Variants in POU6F2 observed in about 807,000 individuals in gnomAD.
The protein encoded by POU6F2 is POU domain, class 6, transcription factor 2.
POU6F2 carries 31 observed loss-of-function variants against 71.3 expected under a neutral mutation model. That is an observed-to-expected ratio of 0.43 (90% CI 0.33 to 0.59). The LOEUF (loss-of-function observed/expected upper bound fraction) is 0.59, where lower values mean the gene tolerates loss of function less well. Ranked by LOEUF, POU6F2 falls within the 20% of genes least tolerant of loss-of-function variation. The pLI is 0.04. For synonymous variants in POU6F2, 347 were observed against 355.7 expected, an observed-to-expected ratio of 0.98 and a Z score of 0.27; for missense variants, 783 against 856.8, an observed-to-expected ratio of 0.91 and a Z score of 1.07.
At chr7:39,341,752 C>T (rs749005246) in intron 5 of POU6F2, among the ~76,000 whole-genome samples, 1 of 152,118 alleles carries the variant, frequency 6.6e-6, no homozygotes, top group Non-Finnish European at 1.5e-5. Context: ...AAGTTTTGAG[C>T]TCTGTGGACC....
intron 4 of POU6F2, among the ~76,000 whole-genome samples, chr7:39,287,540 A>G (rs1454590249): frequency 1.3e-5 from 2 of 152,228 alleles, no homozygotes; most frequent in South Asian, 2.1e-4. Context: ...GTGTTCATGT[A>G]TGCAGAGTAC....
intron 1 of POU6F2, among the ~76,000 whole-genome samples, chr7:39,015,867 T>TTATATATAGA (rs1562670749): frequency 8.6e-5 from 6 of 69,708 alleles, no homozygotes; most frequent in African/African-American, 1.2e-4. Flanking sequence ...ATATAATATA[T>TTATATATAGA]TATATATAGA....
At chr7:39,276,494 C>A in intron 4 of POU6F2, among the ~76,000 whole-genome samples, 1 of 151,052 alleles carries the variant, frequency 6.6e-6, no homozygotes, top group Non-Finnish European at 1.5e-5. Flanking sequence ...GTCAGTGTGG[C>A]GATTCCTCAG....
intron 4 of POU6F2, among the ~76,000 whole-genome samples, chr7:39,312,457 A>C (rs560389107): frequency 6.6e-6 from 1 of 152,286 alleles, no homozygotes; most frequent in African/African-American, 2.4e-5. Context: ...AACGTGACCT[A>C]AGTATTTTGC....
intron 1 of POU6F2, among the ~76,000 whole-genome samples, chr7:38,981,086 T>C (rs906049589): frequency 1.3e-5 from 2 of 152,330 alleles, no homozygotes; most frequent in Middle Eastern, 3.4e-3. Flanking sequence ...TCAAATCAGA[T>C]TTCTGATAGC....
chr7:39,400,020 A>G (rs1787263356), intron 5 of POU6F2, among the ~76,000 whole-genome samples: 1 of 152,226 alleles, frequency 6.6e-6, no homozygotes, highest in Non-Finnish European at 1.5e-5. Context: ...ATAGGGTTCC[A>G]TTATGAAGAC....
chr7:39,442,321 C>A (rs946109310), intron 7 of POU6F2, among the ~76,000 whole-genome samples: 1 of 152,126 alleles, frequency 6.6e-6, no homozygotes. Context: ...GACAGCAGTA[C>A]GTGCCATGAG....
intron 4 of POU6F2, among the ~76,000 whole-genome samples, chr7:39,320,437 A>G (rs1229126121): frequency 2.6e-5 from 4 of 152,188 alleles, no homozygotes; most frequent in Non-Finnish European, 5.9e-5. Context: ...TTAAATTTAT[A>G]AGTATAAACA....
intron 4 of POU6F2, among the ~76,000 whole-genome samples, chr7:39,282,958 A>T (rs1784585728): frequency 6.6e-6 from 1 of 152,048 alleles, no homozygotes; most frequent in South Asian, 2.1e-4. Flanking sequence ...AATTTTTTTC[A>T]TCAGTGCTTA....
chr7:39,163,098 A>G (rs781605735), intron 2 of POU6F2, among the ~76,000 whole-genome samples: 3 of 152,338 alleles, frequency 2.0e-5, no homozygotes, highest in Admixed American at 6.5e-5. Flanking sequence ...ACAATTTTAA[A>G]TGCAATGTGT....
intron 1 of POU6F2, among the ~76,000 whole-genome samples, chr7:39,050,146 G>T (rs1790375251): frequency 6.6e-6 from 1 of 151,696 alleles, no homozygotes; most frequent in Admixed American, 6.6e-5. Flanking sequence ...TTCATCTATA[G>T]TGTGTGGACA....
chr7:39,092,255 G>A (rs1251107800), intron 2 of POU6F2, among the ~76,000 whole-genome samples: 1 of 152,154 alleles, frequency 6.6e-6, no homozygotes, highest in African/African-American at 2.4e-5. Context: ...GCTAGAGAAA[G>A]CTCATAGTAA....
chr7:39,310,445 A>G (rs1785141103), intron 4 of POU6F2, among the ~76,000 whole-genome samples: 1 of 152,226 alleles, frequency 6.6e-6, no homozygotes, highest in Non-Finnish European at 1.5e-5. Context: ...AGAAGCACAG[A>G]CTTTTTAATA....
intron 8 of POU6F2, among the ~76,000 whole-genome samples, chr7:39,454,655 GAT>G (rs70977474): frequency 3.2e-5 from 2 of 63,296 alleles, no homozygotes; most frequent in African/African-American, 9.3e-5. Flanking sequence ...GAAGACCAGG[GAT>G]ATATATATAT....
chr7:39,263,493 G>C (rs114644568), intron 4 of POU6F2, among the ~76,000 whole-genome samples: 1 of 152,174 alleles, frequency 6.6e-6, no homozygotes, highest in African/African-American at 2.4e-5. Flanking sequence ...TTGTGTCTTT[G>C]TTTAATTAAG....
intron 4 of POU6F2, among the ~76,000 whole-genome samples, chr7:39,297,875 G>A (rs753473736): frequency 1.3e-5 from 2 of 152,090 alleles, no homozygotes; most frequent in South Asian, 2.1e-4. Flanking sequence ...TCTGATCTTC[G>A]ACAAACTGAC....
At chr7:38,983,391 CTTTCTT>C in intron 1 of POU6F2, among the ~76,000 whole-genome samples, 1 of 77,936 alleles carries the variant, frequency 1.3e-5, no homozygotes, top group Admixed American at 1.7e-4. Context: ...TGCCTCCCTC[CTTTCTT>C]TTTTTTTTTT....
At chr7:39,209,922 A>G (rs1434566082) in intron 4 of POU6F2, among the ~76,000 whole-genome samples, 1 of 151,996 alleles carries the variant, frequency 6.6e-6, no homozygotes, top group East Asian at 1.9e-4. Flanking sequence ...CTCAAATCTC[A>G]TCCTCTCTCA....
chr7:39,365,453 A>G (rs1786482242), intron 5 of POU6F2, among the ~76,000 whole-genome samples: 1 of 152,220 alleles, frequency 6.6e-6, no homozygotes, highest in Non-Finnish European at 1.5e-5. Flanking sequence ...ATAACATTGC[A>G]AAAACCCTTC....
Sources: allele counts gnomAD v4.1 joint callset (sites outside exome capture counted in the v4.1 genomes callset), GRCh38; gene constraint gnomAD v4.1.1; transcripts MANE v1.5; gene names NCBI Gene and HGNC (gene_info 2026-07-23, HGNC 2026-07-21).